MSH4: variants seen among roughly 807,000 people sequenced by gnomAD.
MSH4 encodes mutS protein homolog 4.
MSH4 carries 106 observed loss-of-function variants against 113.7 expected under a neutral mutation model. That is an observed-to-expected ratio of 0.93 (90% CI 0.80 to 1.10). The LOEUF (loss-of-function observed/expected upper bound fraction) is 1.10. Ranked by LOEUF, MSH4 falls within the 50% of genes least tolerant of loss-of-function variation. MSH4 has a pLI of 0.00. For synonymous variants in MSH4, 368 were observed against 380.2 expected, an observed-to-expected ratio of 0.97 and a Z score of 0.37; for missense variants, 1,061 against 1,093.7, an observed-to-expected ratio of 0.97 and a Z score of 0.42.
At chr1:75,884,484 TC>T (rs1322749791) in intron 15 of MSH4, among the ~76,000 whole-genome samples, 1 of 151,982 alleles carries the variant, frequency 6.6e-6, no homozygotes, top group Non-Finnish European at 1.5e-5. Flanking sequence ...TTGGTTTTGA[TC>T]CCTTACCTCC....
intron 7 of MSH4, among the ~76,000 whole-genome samples, chr1:75,830,946 C>A (rs1477942559): frequency 6.6e-6 from 1 of 152,112 alleles, no homozygotes; most frequent in Non-Finnish European, 1.5e-5. Flanking sequence ...ACCATATTAA[C>A]CTTAAATGTA....
At chr1:75,859,319 G>A (rs1296111563) in intron 8 of MSH4, among the ~76,000 whole-genome samples, 1 of 151,976 alleles carries the variant, frequency 6.6e-6, no homozygotes, top group African/African-American at 2.4e-5. Flanking sequence ...GAATTTGTTT[G>A]CTCTTGACTG....
At chr1:75,869,554 T>A (rs561356383) in intron 9 of MSH4, among the ~76,000 whole-genome samples, 1 of 152,186 alleles carries the variant, frequency 6.6e-6, no homozygotes. Context: ...CCCCGCTTGC[T>A]CTGTGCAGCC....
In MSH4 at chr1:75,899,698, CA is replaced by C; in HGVS notation, c.2614del (p.Ile872PhefsTer20). On this transcript the variant is annotated frameshift_variant, in exon 19 of 20. Transcript: ENST00000263187. LOFTEE classifies it high-confidence loss of function. The part of the protein sequence containing the change: ...AKEITTQITR[Q>X]ILQNQRSTPE... The stretch of plus-strand genomic sequence containing the variant: ...GGAAATCACAACTCAAATTACGAGA[CA>C]AATTTTGGTAAGAAACTTTGTTCTT... 1.3e-5 allele frequency: 19 copies of C among 1,491,244 alleles called. No homozygotes were observed. The highest frequency in any genetic ancestry group is 1.6e-5 in the Non-Finnish European group (18 of 1,126,620). 92.4% of individuals were successfully genotyped at this position (1,491,244 alleles called of 1,614,324 possible).
intron 8 of MSH4, among the ~76,000 whole-genome samples, chr1:75,861,281 T>G (rs982891137): frequency 1.3e-5 from 2 of 152,238 alleles, no homozygotes; most frequent in African/African-American, 4.8e-5. Flanking sequence ...GTCAAACTCA[T>G]TCTGCATCCA....
chr1:75,856,293 C>T (rs1442820496), intron 8 of MSH4, among the ~76,000 whole-genome samples: 2 of 151,574 alleles, frequency 1.3e-5, no homozygotes, highest in African/African-American at 4.8e-5. Context: ...TTCTTTCTTT[C>T]TTTTTTTATG....
chr1:75,842,031 G>T (rs1451271946), intron 7 of MSH4, among the ~76,000 whole-genome samples: 1 of 152,156 alleles, frequency 6.6e-6, no homozygotes, highest in Non-Finnish European at 1.5e-5. Context: ...GATAGTCGGA[G>T]TACAGCTTGG....
At chr1:75,833,491 CA>C (rs1455441761) in intron 7 of MSH4, among the ~76,000 whole-genome samples, 5 of 151,898 alleles carry the variant, frequency 3.3e-5, no homozygotes, top group African/African-American at 1.2e-4. Context: ...AATCCTAAAC[CA>C]AAAGAACAAA....
At chr1:75,897,870 T>G in intron 17 of MSH4, 37 bp from the exon 18 acceptor site, 1 of 1,268,560 alleles carries the variant, frequency 7.9e-7, no homozygotes, top group Non-Finnish European at 1.0e-6. Context: ...AGTTAATTTT[T>G]AAAGTACTAA....
chr1:75,887,917 T>G (rs1241270540), intron 15 of MSH4, among the ~76,000 whole-genome samples: 1 of 151,808 alleles, frequency 6.6e-6, no homozygotes, highest in South Asian at 2.1e-4. Context: ...GAAGCCACTC[T>G]AGGTTCATAA....
At chr1:75,837,066 T>C (rs1368720202) in intron 7 of MSH4, among the ~76,000 whole-genome samples, 2 of 152,158 alleles carry the variant, frequency 1.3e-5, no homozygotes, top group Non-Finnish European at 1.5e-5. Context: ...TTCAAGGTGA[T>C]AGTATTAGGA....
At chr1:75,877,295 A>G (rs1000969961) in intron 10 of MSH4, among the ~76,000 whole-genome samples, 1 of 152,154 alleles carries the variant, frequency 6.6e-6, no homozygotes, top group Non-Finnish European at 1.5e-5. Context: ...AAAGACTTGC[A>G]AATAATAAAA....
chr1:75,865,011 C>T (rs1651531938), intron 8 of MSH4, among the ~76,000 whole-genome samples: 1 of 152,026 alleles, frequency 6.6e-6, no homozygotes, highest in South Asian at 2.1e-4. Context: ...ATTTTCCTTA[C>T]CTCTGGAGAT....
At chr1:75,874,291 C>T (rs188830268) in intron 9 of MSH4, among the ~76,000 whole-genome samples, 186 of 152,154 alleles carry the variant, frequency 1.2e-3, no homozygotes, top group African/African-American at 4.3e-3. Flanking sequence ...AAAACACTTT[C>T]TTGAACAGCG....
intron 15 of MSH4, among the ~76,000 whole-genome samples, chr1:75,885,990 T>TTA (rs1264916244): frequency 0.074 from 3,470 of 47,130 alleles, 224 homozygotes; most frequent in African/African-American, 0.12. Flanking sequence ...ATATGATGTA[T>TTA]TATATAGCAT....
intron 8 of MSH4, among the ~76,000 whole-genome samples, chr1:75,867,258 C>A (rs546268308): frequency 2.0e-5 from 3 of 152,130 alleles, no homozygotes; most frequent in African/African-American, 4.8e-5. Flanking sequence ...AAATTGAACC[C>A]AAGAGATTGA....
intron 7 of MSH4, among the ~76,000 whole-genome samples, chr1:75,833,940 T>C: frequency 6.6e-6 from 1 of 152,166 alleles, no homozygotes; most frequent in East Asian, 1.9e-4. Context: ...AAATAGGATC[T>C]AATTAAACTA....
intron 9 of MSH4, among the ~76,000 whole-genome samples, chr1:75,867,836 C>G (rs915448281): frequency 2.0e-5 from 3 of 151,894 alleles, no homozygotes; most frequent in African/African-American, 7.3e-5. Flanking sequence ...AGTCTCCCAA[C>G]AAAAAGATGT....
intron 7 of MSH4, among the ~76,000 whole-genome samples, chr1:75,827,738 C>G (rs926518726): frequency 2.7e-5 from 4 of 148,198 alleles, no homozygotes; most frequent in Non-Finnish European, 6.0e-5. Flanking sequence ...TTTAAACCAA[C>G]AAAGATCAAA....
Sources: gnomAD v4.1 joint callset for allele counts (sites outside exome capture counted in the v4.1 genomes callset) on GRCh38, gnomAD v4.1.1 for gene constraint, MANE v1.5 for transcripts, NCBI Gene and HGNC (gene_info 2026-07-23, HGNC 2026-07-21) for gene names.